RBFOX1: variants seen among roughly 807,000 people sequenced by gnomAD.
The protein encoded by RBFOX1 is RNA binding protein fox-1 homolog 1.
Under a neutral mutation model 57.7 loss-of-function variants are expected in RBFOX1, and 8 were observed. The observed-to-expected ratio is 0.14, with a 90% CI of 0.08 to 0.25. The LOEUF is 0.25. RBFOX1 is among the 10% of genes least tolerant of loss of function. RBFOX1 has a pLI of 1.00. For synonymous variants in RBFOX1, 326 were observed against 222.4 expected, an observed-to-expected ratio of 1.47 and a Z score of -4.15; for missense variants, 611 against 548.5, an observed-to-expected ratio of 1.11 and a Z score of -1.14.
intron 4 of RBFOX1, among the ~76,000 whole-genome samples, chr16:5,908,157 C>T (rs1294614540): frequency 2.4e-5 from 3 of 123,164 alleles, no homozygotes; most frequent in African/African-American, 9.0e-5. Flanking sequence ...CATATATACA[C>T]ATATATATAC....
intron 2 of RBFOX1, 74 bp from the exon 3 acceptor site, chr16:6,654,529 C>A: frequency 8.4e-7 from 1 of 1,191,478 alleles, no homozygotes; most frequent in African/African-American, 1.6e-5. Flanking sequence ...TCAACAACAC[C>A]ACTGAATGTT....
At chr16:5,892,663 A>G (rs2058073498) in intron 4 of RBFOX1, among the ~76,000 whole-genome samples, 1 of 152,152 alleles carries the variant, frequency 6.6e-6, no homozygotes, top group Non-Finnish European at 1.5e-5. Context: ...GATCAAATTC[A>G]CCCTGCTAAA....
intron 2 of RBFOX1, among the ~76,000 whole-genome samples, chr16:6,591,802 A>G (rs1161178733): frequency 3.3e-5 from 5 of 152,324 alleles, no homozygotes; most frequent in Non-Finnish European, 7.4e-5. Context: ...AAACGCACTA[A>G]CAAACCTCAC....
chr16:5,473,982 A>T (rs994247834), intron 2 of RBFOX1, among the ~76,000 whole-genome samples: 1 of 151,840 alleles, frequency 6.6e-6, no homozygotes, highest in Non-Finnish European at 1.5e-5. Flanking sequence ...TGGTACACAG[A>T]TGGATAGATG....
intron 4 of RBFOX1, among the ~76,000 whole-genome samples, chr16:7,436,911 AAAAT>A (rs1246932894): frequency 1.3e-5 from 2 of 152,148 alleles, no homozygotes; most frequent in South Asian, 2.1e-4. Flanking sequence ...AAAATACAAA[AAAAT>A]AAATAAATAA....
chr16:6,877,543 C>T (rs563091674), intron 3 of RBFOX1, among the ~76,000 whole-genome samples: 2 of 152,222 alleles, frequency 1.3e-5, no homozygotes, highest in South Asian at 2.1e-4. Flanking sequence ...GCTTGGAATT[C>T]GGAACAACTT....
At chr16:6,895,456 A>ATATATATATG (rs2066619249) in intron 3 of RBFOX1, among the ~76,000 whole-genome samples, 1 of 79,512 alleles carries the variant, frequency 1.3e-5, no homozygotes, top group African/African-American at 6.2e-5. Flanking sequence ...GTGTATATAT[A>ATATATATATG]TATATATATA....
intron 3 of RBFOX1, among the ~76,000 whole-genome samples, chr16:7,006,136 G>C (rs966590551): frequency 9.2e-5 from 14 of 152,106 alleles, no homozygotes; most frequent in Middle Eastern, 3.4e-3. Context: ...CATACATAAT[G>C]TCATTAAATT....
chr16:5,383,596 A>T (rs1169072832), intron 1 of RBFOX1, among the ~76,000 whole-genome samples: 2 of 152,246 alleles, frequency 1.3e-5, no homozygotes, highest in Non-Finnish European at 2.9e-5. Flanking sequence ...GTAGGAATGC[A>T]TAGTAAGTCC....
Position 7,055,271 on chromosome 16 carries a change from C to G in RBFOX1, c.27+3173C>G, listed in dbSNP as rs2051751065. Among the ~76,000 whole-genome samples the G allele has an allele frequency of 1.3e-5, 2 of 152,112 alleles. 1 individual carries two copies. Among genetic ancestry groups the G allele is most frequent in the African/African-American group, 4.8e-5 (2 of 41,432 alleles). On this transcript the variant is annotated intron_variant, in intron 4 of 15. Transcript: ENST00000550418. ...GCAACACTTTTGTTTATAGAACATA[C>G]TCTTGAGATCATATCAGTATTATCA...
chr16:6,646,658 C>G (rs74933289), intron 2 of RBFOX1, among the ~76,000 whole-genome samples: 2 of 151,982 alleles, frequency 1.3e-5, no homozygotes, highest in African/African-American at 4.8e-5. Flanking sequence ...CTGGTCAGAA[C>G]GGGCAAAAGC....
intron 1 of RBFOX1, among the ~76,000 whole-genome samples, chr16:6,077,287 G>A (rs1249689856): frequency 6.6e-6 from 1 of 150,906 alleles, no homozygotes; most frequent in East Asian, 2.0e-4. Flanking sequence ...CCAGGTAGGA[G>A]CTCACATATG....
rs181272535 is a variant in RBFOX1, at chr16:7,071,619, T to G, written c.27+19521T>G. Among the ~76,000 whole-genome samples, 717 of 142,912 alleles carry G rather than the reference T, an allele frequency of 5.0e-3. 9 individuals are homozygous for G. The highest frequency in any genetic ancestry group is 0.018 in the African/African-American group (678 of 37,082). 93.8% of individuals were successfully genotyped at this position (142,912 alleles called of 152,430 possible). On this transcript the variant is annotated intron_variant, in intron 4 of 15. Coordinates refer to ENST00000550418, the MANE Select transcript of RBFOX1 (RefSeq NM_018723.4). ...TGTGTGTGTGTGTGTGTGTGTGTGT[T>G]TGTCTGTATACATAACCTGGGTAAT...
chr16:5,643,525 C>T (rs563779070), intron 3 of RBFOX1, among the ~76,000 whole-genome samples: 10 of 152,274 alleles, frequency 6.6e-5, no homozygotes, highest in Non-Finnish European at 1.3e-4. Flanking sequence ...CTAGGAAAAT[C>T]CAGATGTGTA....
intron 1 of RBFOX1, among the ~76,000 whole-genome samples, chr16:6,273,539 C>T (rs981614173): frequency 6.6e-6 from 1 of 151,494 alleles, no homozygotes; most frequent in Admixed American, 6.6e-5. Flanking sequence ...TAGAGATGGG[C>T]TTCTCCATGT....
chr16:7,294,049 G>T (rs939567887), intron 4 of RBFOX1, among the ~76,000 whole-genome samples: 1 of 152,164 alleles, frequency 6.6e-6, no homozygotes, highest in African/African-American at 2.4e-5. Flanking sequence ...TTGCAGCCAA[G>T]CTCATGAAAG....
chr16:6,237,714 C>A (rs544763174), intron 1 of RBFOX1, among the ~76,000 whole-genome samples: 1 of 151,950 alleles, frequency 6.6e-6, no homozygotes, highest in Admixed American at 6.6e-5. Flanking sequence ...ACACTCCAGC[C>A]TGGGCGACAG....
chr16:5,422,221 GAGGGAGAGGGAGAGGGAGGAGGAGC>G (rs2067352631), intron 1 of RBFOX1, among the ~76,000 whole-genome samples: 1 of 139,630 alleles, frequency 7.2e-6, no homozygotes, highest in Non-Finnish European at 1.6e-5. Flanking sequence ...GAGGAGAGAG[GAGGGAGAGGGAGAGGGAGGAGGAGC>G]AGGGAGAGGG....
intron 3 of RBFOX1, among the ~76,000 whole-genome samples, chr16:5,667,893 G>A (rs978709206): frequency 2.0e-5 from 3 of 152,186 alleles, no homozygotes; most frequent in Non-Finnish European, 2.9e-5. Flanking sequence ...GAAACTGCCT[G>A]TGGCAAGGAT....
Sources: gnomAD v4.1 joint callset for allele counts (sites outside exome capture counted in the v4.1 genomes callset) on GRCh38, gnomAD v4.1.1 for gene constraint, MANE v1.5 for transcripts, NCBI Gene and HGNC (gene_info 2026-07-23, HGNC 2026-07-21) for gene names.